PTBP3: variants seen among roughly 807,000 people sequenced by gnomAD.
PTBP3 encodes polypyrimidine tract binding protein 3, also known as polypyrimidine tract-binding protein 3.
A neutral mutation model predicts 58.7 loss-of-function variants in PTBP3; 20 were observed. The ratio of observed to expected loss-of-function variants is 0.34; its 90% confidence interval spans 0.24 to 0.50. The LOEUF (loss-of-function observed/expected upper bound fraction) is 0.50. Ranked by LOEUF, PTBP3 falls within the 20% of genes least tolerant of loss-of-function variation. The pLI, the probability that PTBP3 is intolerant of heterozygous loss-of-function variation, is 0.98. For missense variants in PTBP3, 509 were observed against 637.2 expected, an observed-to-expected ratio of 0.80 and a Z score of 2.17; for synonymous variants, 185 against 219.8, an observed-to-expected ratio of 0.84 and a Z score of 1.40.
chr9:112,245,106 C>T (rs1426654128), intron 7 of PTBP3, among the ~76,000 whole-genome samples: 1 of 152,106 alleles, frequency 6.6e-6, no homozygotes, highest in Non-Finnish European at 1.5e-5. Context: ...GTCAGGAGTT[C>T]AAGACCAGCC....
At chr9:112,269,055 G>T (rs1827251440) in intron 3 of PTBP3, among the ~76,000 whole-genome samples, 1 of 151,962 alleles carries the variant, frequency 6.6e-6, no homozygotes, top group Non-Finnish European at 1.5e-5. Context: ...AATTAGCCAG[G>T]AATGATTGTC....
At chr9:112,293,698 T>C (rs1318552467) in intron 2 of PTBP3, among the ~76,000 whole-genome samples, 2 of 152,204 alleles carry the variant, frequency 1.3e-5, no homozygotes, top group African/African-American at 2.4e-5. Flanking sequence ...ACTCTCACCC[T>C]TAGTGTGTAA....
At chr9:112,273,986 A>G (rs1488294038) in intron 3 of PTBP3, among the ~76,000 whole-genome samples, 1 of 152,254 alleles carries the variant, frequency 6.6e-6, no homozygotes, top group Admixed American at 6.5e-5. Context: ...TTGCCTGCTC[A>G]GCCTTTCACA....
chr9:112,228,199 A>T (rs894375622), intron 11 of PTBP3, among the ~76,000 whole-genome samples, 181 bp downstream of exon 11: 2 of 152,214 alleles, frequency 1.3e-5, no homozygotes, highest in Non-Finnish European at 2.9e-5. Context: ...CTTCAGACTT[A>T]GAAGAGTGAT....
chr9:112,222,290 C>T lies in PTBP3; in HGVS notation c.*1561G>A. Reference sequence around the variant, plus strand: ...ATTTTACATTATACAATCACTGAAGCAACATTAAAATGTACTCTTACATTC... The same window carrying T: ...ATTTTACATTATACAATCACTGAAGTAACATTAAAATGTACTCTTACATTC... On this transcript the variant is annotated 3_prime_UTR_variant, in exon 14 of 14. Coordinates refer to ENST00000374257, the MANE Select transcript of PTBP3 (RefSeq NM_001163788.4). 2 of 972,620 alleles carry T rather than the reference C, an allele frequency of 2.1e-6. No homozygotes were observed. Among genetic ancestry groups the T allele is most frequent in the Non-Finnish European group, 2.4e-6 (2 of 817,956 alleles). 60.2% of individuals were successfully genotyped at this position (972,620 alleles called of 1,614,324 possible). A position where few individuals can be genotyped will look rare whatever the true frequency, so the allele number is the denominator to read the frequency against.
chr9:112,296,364 A>G (rs1302046887), intron 2 of PTBP3, among the ~76,000 whole-genome samples: 3 of 152,042 alleles, frequency 2.0e-5, no homozygotes, highest in Non-Finnish European at 4.4e-5. Flanking sequence ...TAACGCTTTC[A>G]TTTTTAAAAA....
chr9:112,320,314 A>ATATATATATATATATTTTTTTTTT, intron 1 of PTBP3, among the ~76,000 whole-genome samples: 3 of 75,726 alleles, frequency 4.0e-5, no homozygotes, highest in Non-Finnish European at 6.9e-5. Context: ...ATATATATAT[A>ATATATATATATATATTTTTTTTTT]TTTTTTTTTA....
At chr9:112,364,233 C>A in the PTBP3 span, among the ~76,000 whole-genome samples, 1 of 98,926 alleles carries the variant, frequency 1.0e-5, no homozygotes, top group Non-Finnish European at 1.8e-5. Flanking sequence ...GTAGCAAGAT[C>A]TTTAAAAACA....
chr9:112,304,597 C>T (rs1344030287), intron 1 of PTBP3, among the ~76,000 whole-genome samples: 2 of 152,170 alleles, frequency 1.3e-5, no homozygotes, highest in Non-Finnish European at 2.9e-5. Context: ...GACAGAGTCT[C>T]GTTCTGTCAC....
At chr9:112,291,364 A>T (rs1399343584) in intron 2 of PTBP3, among the ~76,000 whole-genome samples, 1 of 152,238 alleles carries the variant, frequency 6.6e-6, no homozygotes, top group Non-Finnish European at 1.5e-5. Flanking sequence ...GCAGGAAAAA[A>T]AAAAAAAATC....
upstream of PTBP3, among the ~76,000 whole-genome samples, chr9:112,338,211 A>G (rs1830591390): frequency 6.6e-6 from 1 of 152,234 alleles, no homozygotes; most frequent in African/African-American, 2.4e-5. Context: ...CAAGGGAGTA[A>G]GAACGGGGAT....
upstream of PTBP3, chr9:112,333,722 G>A: frequency 3.9e-6 from 1 of 254,820 alleles, no homozygotes; most frequent in South Asian, 1.3e-4. Flanking sequence ...CCCCCTCACC[G>A]TCCCCGCCCT....
chr9:112,331,082 A>AAC (rs10660591), intron 1 of PTBP3, among the ~76,000 whole-genome samples: 35,782 of 139,208 alleles, frequency 0.26, 4,385 homozygotes, highest in Admixed American at 0.3. Context: ...GGAGGAAACG[A>AAC]ACACACACAC....
the PTBP3 span, among the ~76,000 whole-genome samples, chr9:112,363,389 C>T: frequency 6.6e-6 from 1 of 151,996 alleles, no homozygotes. Flanking sequence ...ACAAAAAATA[C>T]CAGCCTGTAG....
intron 1 of PTBP3, among the ~76,000 whole-genome samples, chr9:112,316,712 G>C (rs1395402878): frequency 6.6e-6 from 1 of 152,104 alleles, no homozygotes; most frequent in Non-Finnish European, 1.5e-5. Flanking sequence ...GGCCGAGGCG[G>C]GTGGATCACT....
Position 112,234,247 on chromosome 9 carries a change from T to G in PTBP3, c.880+573A>C, listed in dbSNP as rs143147381. Among the ~76,000 whole-genome samples the G allele has an allele frequency of 6.3e-4, 96 of 152,330 alleles. No individual in the cohort carries two copies. The Middle Eastern group carries it at 0.01, about 16-fold the overall frequency. ...ATGGGAATCATTATCAACGTATTAA[T>G]CAACTCCTATCTCTTAATTACCTCC... is the stretch of plus-strand genomic sequence containing the variant. On this transcript the variant is annotated intron_variant, in intron 8 of 13. Transcript: ENST00000374257.
chr9:112,318,424 G>A (rs1829792228), intron 1 of PTBP3, among the ~76,000 whole-genome samples: 1 of 152,158 alleles, frequency 6.6e-6, no homozygotes, highest in Non-Finnish European at 1.5e-5. Context: ...CCTGTACACT[G>A]AAAACAACAA....
In PTBP3 at chr9:112,256,062, T is replaced by C. The variant is rs1384588054; in HGVS notation, c.517-3274A>G. 3.3e-5 allele frequency among the ~76,000 whole-genome samples: 5 copies of C among 151,864 alleles called. No individual in the cohort carries two copies. The East Asian group carries it at 9.7e-4, about 29-fold the overall frequency. ...TGAAGTCAGGAGTTCAAGACCAGGG[T>C]GGCCAACATGGTGAAACCCCATCTC... is the stretch of plus-strand genomic sequence containing the variant. On this transcript the variant is annotated intron_variant, in intron 5 of 13. Coordinates refer to ENST00000374257, the MANE Select transcript of PTBP3 (RefSeq NM_001163788.4).
At chr9:112,359,728 G>A in the PTBP3 span, among the ~76,000 whole-genome samples, 28 of 152,218 alleles carry the variant, frequency 1.8e-4, no homozygotes, top group African/African-American at 6.5e-4. Flanking sequence ...ACTTGAACCC[G>A]GGAGGCGGAG....
Sources: gnomAD v4.1 joint callset for allele counts (sites outside exome capture counted in the v4.1 genomes callset) on GRCh38, gnomAD v4.1.1 for gene constraint, MANE v1.5 for transcripts, NCBI Gene and HGNC (gene_info 2026-07-23, HGNC 2026-07-21) for gene names.